Variants in ERP27 observed in about 807,000 individuals in gnomAD.
ERP27 encodes endoplasmic reticulum protein 27.
Under a neutral mutation model 27.7 loss-of-function variants are expected in ERP27, and 23 were observed. The observed-to-expected ratio is 0.83, with a 90% confidence interval of 0.60 to 1.18. The LOEUF is 1.18. Among genes scored for constraint, ERP27 ranks in the 50% most tolerant of loss-of-function variants. ERP27 has a pLI of 0.00. For missense variants in ERP27, 363 were observed against 327.9 expected (o/e 1.11, Z -0.83); for synonymous variants, 159 against 118.3 (o/e 1.34, Z -2.23).
At chr12:14,929,327 C>A (rs766759344) in intron 3 of ERP27, among the ~76,000 whole-genome samples, 1 of 152,172 alleles carries the variant, frequency 6.6e-6, no homozygotes, top group East Asian at 1.9e-4. Context: ...CTCCTGCAGT[C>A]TCTCCAGTTT....
rs1360519706 is a variant in ERP27 at position 14,917,265 on chromosome 12, A to T, written c.489T>A (p.His163Gln). The T allele has an allele frequency of 3.1e-6, 5 of 1,614,114 alleles. No homozygotes were observed. The highest frequency in any genetic ancestry group is 1.1e-5 in the South Asian group (1 of 91,082). ...AGGCCTTGTTCATTATCAGGAGGAG[A>T]TGAATCTGAATTACGCTGTTGAATA... ...IGLFNSVIQI[H>Q]LLLIMNKASP... Residue 163 changes from histidine (H) to glutamine (Q), a missense_variant, in exon 5 of 7, where the codon CAT becomes CAA. His to Gln is a conservative substitution (Grantham distance 24, BLOSUM62 0). Coordinates refer to ENST00000266397, the MANE Select transcript of ERP27 (RefSeq NM_152321.4).
At chr12:14,927,510 G>C (rs1863622508) in intron 3 of ERP27, among the ~76,000 whole-genome samples, 1 of 151,740 alleles carries the variant, frequency 6.6e-6, no homozygotes, top group African/African-American at 2.4e-5. Flanking sequence ...TGTTGTACTA[G>C]ATTCACCTCC....
rs1297731178 is a variant in ERP27 at position 14,928,816 on chromosome 12, C to T, written c.333+6040G>A. The T allele has an allele frequency of 5.6e-6, 5 of 890,046 alleles. No homozygotes were observed. The East Asian group carries it at 7.9e-5, about 14-fold the overall frequency. 55.1% of individuals were successfully genotyped at this position (890,046 alleles called of 1,614,324 possible). On this transcript the variant is annotated intron_variant, in intron 3 of 6. Transcript: ENST00000266397. ...CAAGAGAAAAGGTCTTAGGTAGATC[C>T]TTGCCCACCCTCCTACCACCTCCTT...
intron 3 of ERP27, 118 bp downstream of exon 3, chr12:14,934,738 C>G (rs946478929): frequency 1.6e-5 from 20 of 1,267,114 alleles, no homozygotes; most frequent in East Asian, 2.4e-5. Context: ...AACAATGTCC[C>G]TGAATTTGGT....
rs1863388386 is a variant in ERP27 at position 14,915,109 on chromosome 12, T to TC, written c.775-328_775-327insG. On this transcript the variant is annotated intron_variant, in intron 6 of 6. Transcript: ENST00000266397. ...TTTTTAACTTTAATTTTTTTGCTTT[T>TC]ATCTTTGTTTTTAATTGACACATAA... 3.9e-5 allele frequency among the ~76,000 whole-genome samples: 6 copies of TC among 152,302 alleles called. No homozygotes were observed. The South Asian group carries it at 1.2e-3, about 32-fold the overall frequency.
intron 3 of ERP27, among the ~76,000 whole-genome samples, chr12:14,929,716 T>C (rs537551541): frequency 3.3e-5 from 5 of 152,326 alleles, no homozygotes; most frequent in Admixed American, 6.5e-5. Flanking sequence ...CACTACATCA[T>C]ACCAATCACT....
At chr12:14,930,792 T>C (rs1377551348) in intron 3 of ERP27, among the ~76,000 whole-genome samples, 1 of 152,258 alleles carries the variant, frequency 6.6e-6, no homozygotes, top group African/African-American at 2.4e-5. Context: ...TTTTTTCAGT[T>C]AATCATTATT....
rs374634386 is a variant in ERP27 at position 14,914,595 on chromosome 12, C to T, written c.*140G>A. 9.1e-5 allele frequency: 57 copies of T among 625,436 alleles called. No individual in the cohort carries two copies. Among genetic ancestry groups the T allele is most frequent in the African/African-American group, 1.9e-4 (10 of 53,960 alleles). 38.7% of individuals were successfully genotyped at this position (625,436 alleles called of 1,614,324 possible). A position where few individuals can be genotyped will look rare whatever the true frequency, so the allele number is the denominator to read the frequency against. ...GTGTGTGTGCGTGTGTGTGTGCACG[C>T]GTGCGTGCGTGTGTGCACGTGCGTG... On this transcript the variant is annotated 3_prime_UTR_variant, in exon 7 of 7. Coordinates refer to ENST00000266397, the MANE Select transcript of ERP27 (RefSeq NM_152321.4).
chr12:14,933,184 T>C (rs974985337), intron 3 of ERP27, among the ~76,000 whole-genome samples: 1 of 152,176 alleles, frequency 6.6e-6, no homozygotes, highest in Non-Finnish European at 1.5e-5. Context: ...GTGGATACAC[T>C]GAACAGAACA....
chr12:14,924,896 G>A (rs1041326347), intron 3 of ERP27, among the ~76,000 whole-genome samples: 1 of 152,236 alleles, frequency 6.6e-6, no homozygotes, highest in Non-Finnish European at 1.5e-5. Context: ...AATCAAGATG[G>A]TGAGGAGCAT....
intron 2 of ERP27, chr12:14,935,317 T>A (rs1489237898): frequency 5.6e-6 from 1 of 178,452 alleles, no homozygotes; most frequent in Non-Finnish European, 1.1e-5. Flanking sequence ...TGCACTGTTG[T>A]AGATACACAT....
intron 3 of ERP27, among the ~76,000 whole-genome samples, chr12:14,933,386 A>G (rs1437728251): frequency 6.6e-6 from 1 of 152,198 alleles, no homozygotes; most frequent in Non-Finnish European, 1.5e-5. Flanking sequence ...CTAACATCAT[A>G]CATGACAGAA....
intron 3 of ERP27, among the ~76,000 whole-genome samples, chr12:14,931,086 C>T (rs1165206925): frequency 6.6e-6 from 1 of 152,092 alleles, no homozygotes; most frequent in South Asian, 2.1e-4. Context: ...GACAGCAATG[C>T]TGGGTACGAA....
chr12:14,929,178 C>A, intron 3 of ERP27: 1 of 1,341,122 alleles, frequency 7.5e-7, no homozygotes, highest in Non-Finnish European at 9.6e-7. Flanking sequence ...GTCCTTCATA[C>A]TTCCCAGAAC....
Position 14,914,591 on chromosome 12 carries a change from C to G in ERP27, c.*144G>C. The G allele has an allele frequency of 1.7e-6, 1 of 601,676 alleles. No individual in the cohort carries two copies. The highest frequency in any genetic ancestry group is 2.8e-5 in the East Asian group (1 of 35,560). The allele number at this position is 601,676 out of a possible 1,614,324, so 37.3% of individuals were successfully genotyped here. A position where few individuals can be genotyped will look rare whatever the true frequency, so the allele number is the denominator to read the frequency against. ...GTGTGTGTGTGTGCGTGTGTGTGTG[C>G]ACGCGTGCGTGCGTGTGTGCACGTG... On this transcript the variant is annotated 3_prime_UTR_variant, in exon 7 of 7. Coordinates refer to ENST00000266397, the MANE Select transcript of ERP27 (RefSeq NM_152321.4).
At chr12:14,934,796 T>A (rs1175930457) in intron 3 of ERP27, 60 bp downstream of exon 3, 12 of 1,601,668 alleles carry the variant, frequency 7.5e-6, no homozygotes, top group African/African-American at 1.3e-5. Context: ...TCTCACAAGT[T>A]TATGAGTCCA....
Position 14,938,028 on chromosome 12 carries a change from G to T in ERP27, c.119C>A (p.Pro40His). ...AGCTGGGACATCTGTGAGCCACGTG[G>T]GTTCCTGGGCAGCACCAGGACCATC... ...SSDGPGAAQEPTWLTDVPAAM... is the reference protein window; with the variant it reads ...SSDGPGAAQEHTWLTDVPAAM... The change falls in exon 2 of 7, where the codon CCC (proline) becomes CAC (histidine). Residue 40 changes from proline to histidine, a missense_variant. Pro to His is a moderately conservative substitution (Grantham distance 77, BLOSUM62 -2). Transcript: ENST00000266397. 3 of 1,614,056 alleles carry T rather than the reference G, an allele frequency of 1.9e-6. No homozygotes were observed. Among genetic ancestry groups the T allele is most frequent in the Non-Finnish European group, 2.5e-6 (3 of 1,179,966 alleles).
chr12:14,934,861 G>T lies in ERP27; in HGVS notation c.328C>A (p.Arg110Ser). 6.2e-7 allele frequency: 1 copy of T among 1,613,922 alleles called. No homozygotes were observed. Among genetic ancestry groups the T allele is most frequent in the East Asian group, 2.2e-5 (1 of 44,886 alleles). The change falls in exon 3 of 7, where the codon CGC (arginine) becomes AGC (serine). Residue 110 changes from arginine (R) to serine (S), a missense_variant. Physicochemically the swap from Arg to Ser is moderately radical, Grantham distance 110 (BLOSUM62 -1). Transcript: ENST00000266397. ...NITGNTICLFRLVDNEQLNLE... is the reference protein window; with the variant it reads ...NITGNTICLFSLVDNEQLNLE... ...AAGCTACCCACCCAACTTACCAGGCGAAAGAGGCAGATGGTGTTCCCAGTG... is the reference window on the plus strand; with the variant it reads ...AAGCTACCCACCCAACTTACCAGGCTAAAGAGGCAGATGGTGTTCCCAGTG...
intron 3 of ERP27, chr12:14,929,176 T>A (rs1863660197): frequency 7.3e-7 from 1 of 1,369,728 alleles, no homozygotes. Flanking sequence ...CAGTCCTTCA[T>A]ACTTCCCAGA....
Sources: gnomAD v4.1 joint callset for allele counts (sites outside exome capture counted in the v4.1 genomes callset) on GRCh38, gnomAD v4.1.1 for gene constraint, MANE v1.5 for transcripts, NCBI Gene and HGNC (gene_info 2026-07-23, HGNC 2026-07-21) for gene names.